Variants in ETV5 observed in about 807,000 individuals in gnomAD.
The protein encoded by ETV5 is ETS variant transcription factor 5.
In ETV5, 10 loss-of-function variants were observed where a neutral mutation model predicts 70.0. The ratio of observed to expected loss-of-function variants is 0.14; its 90% confidence interval spans 0.09 to 0.24. ETV5 has a LOEUF of 0.24. Ranked by LOEUF, ETV5 falls within the 10% of genes least tolerant of loss-of-function variation. The pLI, the probability that ETV5 is intolerant of heterozygous loss-of-function variation, is 1.00. For synonymous variants in ETV5, 216 were observed against 242.2 expected, an observed-to-expected ratio of 0.89 and a Z score of 1.01; for missense variants, 453 against 651.2, an observed-to-expected ratio of 0.70 and a Z score of 3.31.
At chr3:186,053,126 G>T (rs1284008133) in intron 11 of ETV5, among the ~76,000 whole-genome samples, 1 of 151,958 alleles carries the variant, frequency 6.6e-6, no homozygotes, top group Non-Finnish European at 1.5e-5. Context: ...TTCTGAGATG[G>T]AGTCTCACTC....
chr3:186,104,381 A>G (rs1228923444), intron 5 of ETV5, among the ~76,000 whole-genome samples: 2 of 152,196 alleles, frequency 1.3e-5, no homozygotes, highest in African/African-American at 4.8e-5. Context: ...TCTAGTAATG[A>G]GCACTTAGTG....
intron 12 of ETV5, 86 bp downstream of exon 12, chr3:186,051,944 G>A (rs967312458): frequency 5.3e-6 from 7 of 1,330,974 alleles, no homozygotes; most frequent in East Asian, 2.4e-5. Flanking sequence ...TCCTCGTAGC[G>A]ACGATCACCA....
At chr3:186,090,496 C>A (rs766504061) in intron 5 of ETV5, among the ~76,000 whole-genome samples, 6 of 152,202 alleles carry the variant, frequency 3.9e-5, no homozygotes, top group Non-Finnish European at 5.9e-5. Context: ...TAACTATATT[C>A]ATATTAATGC....
chr3:186,105,995 A>C lies in ETV5; in HGVS notation c.-74-53T>G, dbSNP rs1714578883. 4 of 1,351,308 alleles carry C rather than the reference A, an allele frequency of 3.0e-6. No individual in the cohort carries two copies. Among genetic ancestry groups the C allele is most frequent in the Non-Finnish European group, 4.1e-6 (4 of 970,528 alleles). The allele number at this position is 1,351,308 out of a possible 1,614,324, so 83.7% of individuals were successfully genotyped here. ...CTAAGAGGGGGGAAAAAAAGAAATG[A>C]AACAATTTTAGACTGCCTTTTTTTT... On this transcript the variant is annotated intron_variant, in intron 1 of 12. Coordinates refer to ENST00000306376, the MANE Select transcript of ETV5 (RefSeq NM_004454.3). The surrounding 1 kb of genome is among the most constrained non-coding windows in gnomAD (Gnocchi z 4.5).
chr3:186,108,694 C>T lies in ETV5; in HGVS notation c.-75+246G>A. On this transcript the variant is annotated intron_variant, in intron 1 of 12. Coordinates refer to ENST00000306376, the MANE Select transcript of ETV5 (RefSeq NM_004454.3). ...GCGCTCCGGGGCGCCTCCCCCACGACGTGTGGAAAGCCGCTCTCCCCGCGC... is the reference window on the plus strand; with the variant it reads ...GCGCTCCGGGGCGCCTCCCCCACGATGTGTGGAAAGCCGCTCTCCCCGCGC... 6 of 1,148,846 alleles carry T rather than the reference C, an allele frequency of 5.2e-6. No individual in the cohort carries two copies. The South Asian group carries it at 8.1e-5, about 15-fold the overall frequency. The allele number at this position is 1,148,846 out of a possible 1,614,324, so 71.2% of individuals were successfully genotyped here. A position where few individuals can be genotyped will look rare whatever the true frequency, so the allele number is the denominator to read the frequency against.
In ETV5 at chr3:186,048,744, G is replaced by A. The variant is rs761631963; in HGVS notation, c.1428C>T (p.Ser476=). The A allele has an allele frequency of 6.2e-6, 10 of 1,614,114 alleles. No homozygotes were observed. Among genetic ancestry groups the A allele is most frequent in the South Asian group, 4.4e-5 (4 of 91,082 alleles). ...GGGTCAGCGGCAGGGTGTCCTCCTC[G>A]CTGAGGTGGCACTCGGACTCTGCCT... ...FLKAESECHL[S]EEDTLPLTHF... Residue 476 remains serine, a synonymous_variant, in exon 13 of 13, where the codon AGC becomes AGT. Transcript: ENST00000306376.
intron 7 of ETV5, among the ~76,000 whole-genome samples, chr3:186,067,206 G>A (rs1411320800): frequency 2.6e-5 from 4 of 152,214 alleles, no homozygotes; most frequent in Admixed American, 1.3e-4. Context: ...AGGCCAATGC[G>A]GGGGGATCAC....
intron 7 of ETV5, chr3:186,079,370 C>T: frequency 8.6e-6 from 2 of 231,366 alleles, no homozygotes; most frequent in Non-Finnish European, 8.5e-6. Context: ...ACTGTTAAAA[C>T]ATGTTAAAAT....
In ETV5 at chr3:186,047,118, T is replaced by C. The variant is rs1712898392; in HGVS notation, c.*1521A>G. 4.4e-6 allele frequency: 1 copy of C among 228,780 alleles called. No individual in the cohort carries two copies. The highest frequency in any genetic ancestry group is 8.7e-6 in the Non-Finnish European group (1 of 114,954). The allele number at this position is 228,780 out of a possible 1,614,324, so 14.2% of individuals were successfully genotyped here. On this transcript the variant is annotated 3_prime_UTR_variant, in exon 13 of 13. Coordinates refer to ENST00000306376, the MANE Select transcript of ETV5 (RefSeq NM_004454.3). ...AGGAACAGTGTAGTCATTCTTAATG[T>C]ACTAAGTGTCACGGGGAGCACAGAA...
At chr3:186,063,187 G>A (rs1025086684) in intron 9 of ETV5, among the ~76,000 whole-genome samples, 2 of 152,036 alleles carry the variant, frequency 1.3e-5, no homozygotes, top group African/African-American at 4.8e-5. Flanking sequence ...GGAGAATGGC[G>A]TGAACCTGGG....
intron 9 of ETV5, among the ~76,000 whole-genome samples, chr3:186,063,086 A>G (rs1208344651): frequency 6.6e-6 from 1 of 152,108 alleles, no homozygotes; most frequent in African/African-American, 2.4e-5. Context: ...CCTGGCTAAC[A>G]CAGTGAAACC....
In ETV5 at chr3:186,065,695, A is replaced by C. The variant is rs554467175; in HGVS notation, c.910+118T>G. ...GTTATTTGAGGGCAATTCTTATAAA[A>C]ATTATAAAAAATTCTTATAAAAATT... On this transcript the variant is annotated intron_variant, in intron 8 of 12. Transcript: ENST00000306376. The C allele has an allele frequency of 1.3e-4, 165 of 1,275,324 alleles. No homozygotes were observed. In the South Asian group the frequency reaches 1.8e-3, roughly 14 times the overall value. 79.0% of individuals were successfully genotyped at this position (1,275,324 alleles called of 1,614,324 possible). A position where few individuals can be genotyped will look rare whatever the true frequency, so the allele number is the denominator to read the frequency against.
At chr3:186,107,550 G>A (rs1714617329) in intron 1 of ETV5, among the ~76,000 whole-genome samples, 1 of 152,172 alleles carries the variant, frequency 6.6e-6, no homozygotes, top group South Asian at 2.1e-4. Flanking sequence ...TGCCATAAAC[G>A]AACGGAAAAG....
In ETV5 at chr3:186,105,759, T is replaced by A; in HGVS notation, c.46-47A>T. The A allele has an allele frequency of 6.2e-7, 1 of 1,611,910 alleles. No homozygotes were observed. Among genetic ancestry groups the A allele is most frequent in the Non-Finnish European group, 8.5e-7 (1 of 1,178,142 alleles). ...TGAAGGCTCAAGTGTAGTAAAGAGG[T>A]CCACAGGGGGAAGACTCATATTGGA... On this transcript the variant is annotated intron_variant, in intron 2 of 12. Transcript: ENST00000306376. This position sits in a 1 kb window ranked among gnomAD's most constrained non-coding sequence, Gnocchi z 4.5.
At position 186,057,548 on chromosome 3, in the gene ETV5, A is replaced by T; in HGVS notation, c.971-57T>A. The T allele has an allele frequency of 7.0e-7, 1 of 1,427,316 alleles. No homozygotes were observed. Among genetic ancestry groups the T allele is most frequent in the Non-Finnish European group, 9.9e-7 (1 of 1,010,454 alleles). The allele number at this position is 1,427,316 out of a possible 1,614,324, so 88.4% of individuals were successfully genotyped here. On this transcript the variant is annotated intron_variant, in intron 9 of 12. Transcript: ENST00000306376. This position sits in a 1 kb window ranked among gnomAD's most constrained non-coding sequence, Gnocchi z 4.9. ...GCTTAACAAATTCTGTGTTGTACTAAAACTATGGATTTAAGGACTAGAGTG... is the reference window on the plus strand; with the variant it reads ...GCTTAACAAATTCTGTGTTGTACTATAACTATGGATTTAAGGACTAGAGTG...
rs936057164 is a variant in ETV5 at position 186,047,933 on chromosome 3, T to C, written c.*706A>G. On this transcript the variant is annotated 3_prime_UTR_variant, in exon 13 of 13. Coordinates refer to ENST00000306376, the MANE Select transcript of ETV5 (RefSeq NM_004454.3). ...ATACTGTCAAAAGTGTTAATCGCCC[T>C]TCTCCTAAAATAAAAGTCATCCACA... 1.2e-4 allele frequency: 28 copies of C among 233,404 alleles called. No homozygotes were observed. In the Admixed American group the frequency reaches 1.4e-3, roughly 11 times the overall value. The allele number at this position is 233,404 out of a possible 1,614,324, so 14.5% of individuals were successfully genotyped here.
intron 12 of ETV5, among the ~76,000 whole-genome samples, chr3:186,050,334 G>A (rs768691037): frequency 1.3e-5 from 2 of 152,072 alleles, no homozygotes; most frequent in Non-Finnish European, 2.9e-5. Context: ...TACTCCCTTA[G>A]AAAACACAGA....
intron 5 of ETV5, among the ~76,000 whole-genome samples, chr3:186,097,621 G>C (rs1714335819): frequency 6.6e-6 from 1 of 152,170 alleles, no homozygotes; most frequent in Non-Finnish European, 1.5e-5. Context: ...ACAAAGAAAG[G>C]GGAATGGGCT....
Position 186,079,924 on chromosome 3 carries a change from A to G in ETV5, c.543T>C (p.Leu181=). 3 of 1,183,460 alleles carry G rather than the reference A, an allele frequency of 2.5e-6. No individual in the cohort carries two copies. Among genetic ancestry groups the G allele is most frequent in the Non-Finnish European group, 3.6e-6 (3 of 835,044 alleles). The allele number at this position is 1,183,460 out of a possible 1,614,324, so 73.3% of individuals were successfully genotyped here. ...TTTGCTGCTGTGGTCCAGGCTCTGG[A>G]AGCGAATGGGGGGCGGGGGCGGGGC... is the stretch of plus-strand genomic sequence containing the variant. ...GVGPAPAPHS[L]PEPGPQQQTF... The change falls in exon 7 of 13, where the codon CTT becomes CTC. Residue 181 remains leucine (L), a synonymous_variant. Coordinates refer to ENST00000306376, the MANE Select transcript of ETV5 (RefSeq NM_004454.3).
Sources: allele counts gnomAD v4.1 joint callset (sites outside exome capture counted in the v4.1 genomes callset), GRCh38; gene constraint gnomAD v4.1.1; non-coding constraint Gnocchi (gnomAD v3.1); transcripts MANE v1.5; gene names NCBI Gene and HGNC (gene_info 2026-07-23, HGNC 2026-07-21).